TSPAN15: variants seen among roughly 807,000 people sequenced by gnomAD.
The protein encoded by TSPAN15 is tetraspanin-15.
A neutral mutation model predicts 34.5 loss-of-function variants in TSPAN15; 20 were observed. The ratio of observed to expected loss-of-function variants is 0.58; its 90% CI spans 0.41 to 0.84. The LOEUF (loss-of-function observed/expected upper bound fraction) is 0.84. Among genes scored for constraint, TSPAN15 ranks in the 40% least tolerant of loss-of-function variants. TSPAN15 has a pLI of 0.00. For missense variants in TSPAN15, 313 were observed against 386.1 expected (o/e 0.81, Z 1.59); for synonymous variants, 155 against 153.9 (o/e 1.01, Z -0.05).
In TSPAN15 at chr10:69,461,109, G is replaced by A. The variant is rs142556753; in HGVS notation, c.96+9419G>A. 4.9e-3 allele frequency among the ~76,000 whole-genome samples: 740 copies of A among 152,222 alleles called. 8 individuals carry two copies. Among genetic ancestry groups the A allele is most frequent in the African/African-American group, 0.017 (708 of 41,524 alleles). On this transcript the variant is annotated intron_variant, in intron 1 of 7. Transcript: ENST00000373290. ...GTTCATGCAGATGCTGGGAGGAGAC[G>A]CCGTCTGCCACGTGTCTCACCACAG... is the stretch of plus-strand genomic sequence containing the variant.
chr10:69,518,857 G>A, the TSPAN15 span, among the ~76,000 whole-genome samples: 1 of 152,182 alleles, frequency 6.6e-6, no homozygotes, highest in East Asian at 1.9e-4. Context: ...AAGGGAGGAG[G>A]CACCCAGGCC....
chr10:69,540,615 C>T, the TSPAN15 span, among the ~76,000 whole-genome samples: 13 of 152,100 alleles, frequency 8.5e-5, no homozygotes, highest in African/African-American at 3.1e-4. Flanking sequence ...GCTGGCTGCC[C>T]TAAGTGGTGC....
the TSPAN15 span, among the ~76,000 whole-genome samples, chr10:69,520,899 C>G: frequency 6.6e-6 from 1 of 152,064 alleles, no homozygotes; most frequent in African/African-American, 2.4e-5. Flanking sequence ...AACTGCTGAG[C>G]TGTTTTCCAT....
At chr10:69,501,384 T>C (rs1842204885) in intron 5 of TSPAN15, among the ~76,000 whole-genome samples, 1 of 152,144 alleles carries the variant, frequency 6.6e-6, no homozygotes, top group African/African-American at 2.4e-5. Flanking sequence ...CACATGACCA[T>C]TGAGTCTCCC....
chr10:69,468,804 G>A (rs913497868), intron 1 of TSPAN15, among the ~76,000 whole-genome samples: 2 of 151,654 alleles, frequency 1.3e-5, no homozygotes, highest in Non-Finnish European at 1.5e-5. Flanking sequence ...AAACTTTTCA[G>A]TCCTATATAC....
chr10:69,452,497 C>T (rs1213315457), intron 1 of TSPAN15, among the ~76,000 whole-genome samples: 3 of 152,176 alleles, frequency 2.0e-5, no homozygotes, highest in African/African-American at 4.8e-5. Context: ...ATGGTTTCCT[C>T]ATCTGTAAAT....
At chr10:69,536,720 C>T in the TSPAN15 span, among the ~76,000 whole-genome samples, 1 of 152,078 alleles carries the variant, frequency 6.6e-6, no homozygotes, top group Non-Finnish European at 1.5e-5. Context: ...CATGGTGGCT[C>T]GTGCCTGTAA....
the TSPAN15 span, among the ~76,000 whole-genome samples, chr10:69,518,572 C>A: frequency 6.6e-6 from 1 of 152,142 alleles, no homozygotes; most frequent in Non-Finnish European, 1.5e-5. Context: ...TACAGGCGCA[C>A]ACCACCATGC....
the TSPAN15 span, among the ~76,000 whole-genome samples, chr10:69,545,750 T>C: frequency 7.2e-4 from 109 of 151,942 alleles, no homozygotes; most frequent in Admixed American, 2.2e-3. Flanking sequence ...AAGTCAGGAG[T>C]TCGAGACTAG....
the TSPAN15 span, among the ~76,000 whole-genome samples, chr10:69,528,761 C>A: frequency 6.7e-6 from 1 of 148,530 alleles, no homozygotes. Flanking sequence ...GAATGCTGAG[C>A]TGCTAGCAGA....
intron 1 of TSPAN15, among the ~76,000 whole-genome samples, chr10:69,468,016 G>C (rs184910637): frequency 6.6e-6 from 1 of 152,110 alleles, no homozygotes; most frequent in Non-Finnish European, 1.5e-5. Flanking sequence ...AAGACCTACC[G>C]GGGCCAGCTG....
At chr10:69,526,381 C>T in the TSPAN15 span, among the ~76,000 whole-genome samples, 1 of 148,276 alleles carries the variant, frequency 6.7e-6, no homozygotes. Context: ...GGCAAAGAAC[C>T]TGAAAAGATA....
the TSPAN15 span, among the ~76,000 whole-genome samples, chr10:69,528,178 G>A: frequency 2.0e-5 from 3 of 148,472 alleles, no homozygotes; most frequent in East Asian, 2.5e-4. Context: ...GGCTGCTGCC[G>A]CGGGGCAGGC....
chr10:69,496,834 TGG>T (rs1162839408), intron 4 of TSPAN15, among the ~76,000 whole-genome samples: 1 of 152,216 alleles, frequency 6.6e-6, no homozygotes, highest in East Asian at 1.9e-4. Context: ...CCTGCCAGCT[TGG>T]GCTGGGAGAG....
At chr10:69,515,045 G>T in the TSPAN15 span, among the ~76,000 whole-genome samples, 4 of 152,156 alleles carry the variant, frequency 2.6e-5, no homozygotes, top group Non-Finnish European at 2.9e-5. Context: ...GCATTGCTAG[G>T]TCCTATGTCC....
At chr10:69,493,391 C>G (rs28548623) in intron 3 of TSPAN15, among the ~76,000 whole-genome samples, 5,050 of 152,222 alleles carry the variant, frequency 0.033, 274 homozygotes, top group African/African-American at 0.12. Context: ...CAATCCCAGG[C>G]CTGCTCCAGA....
chr10:69,480,953 C>T (rs528525559), intron 1 of TSPAN15, among the ~76,000 whole-genome samples: 1 of 152,308 alleles, frequency 6.6e-6, no homozygotes, highest in South Asian at 2.1e-4. Flanking sequence ...CCACCTCAGC[C>T]TCCTAAAGTG....
chr10:69,452,808 A>G (rs1424191840), intron 1 of TSPAN15, among the ~76,000 whole-genome samples: 1 of 152,186 alleles, frequency 6.6e-6, no homozygotes, highest in Non-Finnish European at 1.5e-5. Flanking sequence ...CCAGGGACCC[A>G]GGGTGGTCAC....
chr10:69,512,078 T>TA (rs1440851453), downstream of TSPAN15, among the ~76,000 whole-genome samples: 4 of 152,052 alleles, frequency 2.6e-5, no homozygotes, highest in African/African-American at 7.2e-5. Context: ...TGCCAGAACT[T>TA]AAAGTATAAA....
Sources: allele counts gnomAD v4.1 joint callset (sites outside exome capture counted in the v4.1 genomes callset), GRCh38; gene constraint gnomAD v4.1.1; transcripts MANE v1.5; gene names NCBI Gene and HGNC (gene_info 2026-07-23, HGNC 2026-07-21).